The following ZNF678 variants were observed in gnomAD, a reference collection of about 807,000 sequenced individuals.
ZNF678 encodes hypothetical protein MGC42493.
A neutral mutation model predicts 3.0 loss-of-function variants in ZNF678; 5 were observed. The observed-to-expected ratio is 1.69, with a 90% CI of 0.88 to 3.56. ZNF678 has a LOEUF of 3.56. Ranked by LOEUF, ZNF678 falls within the 30% of genes most tolerant of loss-of-function variation. The pLI is 0.00. For synonymous variants in ZNF678, 218 were observed against 199.6 expected, an observed-to-expected ratio of 1.09 and a Z score of -0.78; for missense variants, 593 against 605.0, an observed-to-expected ratio of 0.98 and a Z score of 0.21.
chr1:227,588,348 G>A (rs1255438371), intron 1 of ZNF678, among the ~76,000 whole-genome samples: 2 of 152,028 alleles, frequency 1.3e-5, no homozygotes, highest in Non-Finnish European at 2.9e-5. Flanking sequence ...GTGTACATCT[G>A]GTAATGGGAT....
chr1:227,671,351 G>A (rs1471676931), intron 5 of ZNF678, among the ~76,000 whole-genome samples: 6 of 151,650 alleles, frequency 4.0e-5, no homozygotes, highest in African/African-American at 9.7e-5. Context: ...AGGATGTCCC[G>A]CCATATTTGC....
At chr1:227,667,181 C>A (rs1054502903), downstream of ZNF678, among the ~76,000 whole-genome samples, 1 of 151,852 alleles carries the variant, frequency 6.6e-6, no homozygotes, top group Non-Finnish European at 1.5e-5. Context: ...GTAGCTGGGA[C>A]TACAGGTGCA....
intron 1 of ZNF678, among the ~76,000 whole-genome samples, chr1:227,601,573 TA>T (rs1208116384): frequency 2.0e-5 from 3 of 151,762 alleles, no homozygotes; most frequent in African/African-American, 2.4e-5. Context: ...ATTTTTATTT[TA>T]TTTTTTTTGA....
chr1:227,563,759 G>T, intron 1 of ZNF678, 35 bp downstream of exon 1: 1 of 1,307,840 alleles, frequency 7.6e-7, no homozygotes, highest in Admixed American at 2.3e-5. Context: ...CAAGATGGCG[G>T]TCCGGCCTCC....
At chr1:227,634,048 A>G (rs1447701620) in intron 1 of ZNF678, among the ~76,000 whole-genome samples, 2 of 152,206 alleles carry the variant, frequency 1.3e-5, no homozygotes, top group East Asian at 3.9e-4. Flanking sequence ...CCACAGCAGA[A>G]TAGGGCAGTG....
chr1:227,602,850 T>G (rs1657769300), intron 1 of ZNF678, among the ~76,000 whole-genome samples: 1 of 152,200 alleles, frequency 6.6e-6, no homozygotes, highest in Non-Finnish European at 1.5e-5. Flanking sequence ...TGCTTTTTGA[T>G]CCAGGCAGAG....
At chr1:227,643,766 A>C (rs1658881446) in intron 1 of ZNF678, among the ~76,000 whole-genome samples, 1 of 152,072 alleles carries the variant, frequency 6.6e-6, no homozygotes, top group South Asian at 2.1e-4. Flanking sequence ...AATATATAAC[A>C]ATAAAAAGTT....
chr1:227,563,859 C>T (rs1241604518), intron 1 of ZNF678, 135 bp downstream of exon 1: 10 of 783,060 alleles, frequency 1.3e-5, no homozygotes, highest in Non-Finnish European at 1.9e-5. Flanking sequence ...CAGGCCGCCG[C>T]GGGATTCTCC....
In ZNF678 at chr1:227,659,891, A is replaced by G. The variant is rs1053921278; in HGVS notation, c.*4063A>G. On this transcript the variant is annotated 3_prime_UTR_variant, in exon 4 of 4. Coordinates refer to ENST00000343776, the MANE Select transcript of ZNF678 (RefSeq NM_001367909.1). ...ATGGTCTTGGCACTTAAAAAAAAAAAAACAATATATTCTCAATAACTGTAT... is the reference window on the plus strand; with the variant it reads ...ATGGTCTTGGCACTTAAAAAAAAAAGAACAATATATTCTCAATAACTGTAT... 1 of 141,872 alleles carries G rather than the reference A, an allele frequency of 7.0e-6. No homozygotes were observed. Among genetic ancestry groups the G allele is most frequent in the Non-Finnish European group, 1.5e-5 (1 of 65,388 alleles). 8.8% of individuals were successfully genotyped at this position (141,872 alleles called of 1,614,324 possible).
chr1:227,628,395 G>C (rs1202673094), intron 1 of ZNF678, among the ~76,000 whole-genome samples: 1 of 152,198 alleles, frequency 6.6e-6, no homozygotes, highest in East Asian at 1.9e-4. Context: ...AGCCGCTTCT[G>C]CTTCAGGTGT....
Position 227,659,089 on chromosome 1 carries a change from T to C in ZNF678, c.*3261T>C, listed in dbSNP as rs1161284566. Reference sequence around the variant, plus strand: ...CTTTTAGTTTTTAGTGTTTATGTAATATATTAGACAATAATAAACATTTAC... The same window carrying C: ...CTTTTAGTTTTTAGTGTTTATGTAACATATTAGACAATAATAAACATTTAC... On this transcript the variant is annotated 3_prime_UTR_variant, in exon 4 of 4. Coordinates refer to ENST00000343776, the MANE Select transcript of ZNF678 (RefSeq NM_001367909.1). The C allele has an allele frequency of 6.6e-6, 1 of 152,102 alleles. No individual in the cohort carries two copies. The highest frequency in any genetic ancestry group is 2.4e-5 in the African/African-American group (1 of 41,456). 9.4% of individuals were successfully genotyped at this position (152,102 alleles called of 1,614,324 possible).
intron 1 of ZNF678, among the ~76,000 whole-genome samples, chr1:227,565,061 T>G (rs797005080): frequency 2.4e-5 from 3 of 126,894 alleles, no homozygotes; most frequent in African/African-American, 9.5e-5. Context: ...CGGCTTTTTT[T>G]TTTTTTTTTT....
chr1:227,571,325 A>C (rs1428184856), intron 1 of ZNF678, among the ~76,000 whole-genome samples: 1 of 152,180 alleles, frequency 6.6e-6, no homozygotes, highest in Non-Finnish European at 1.5e-5. Context: ...ATTCTTTTCT[A>C]GTGTTGTATC....
intron 1 of ZNF678, among the ~76,000 whole-genome samples, chr1:227,633,556 C>T (rs1484637767): frequency 1.3e-5 from 2 of 152,164 alleles, no homozygotes; most frequent in East Asian, 3.9e-4. Context: ...AATCCTGTTT[C>T]TCACAGAGAG....
chr1:227,611,110 G>A (rs1658006436), intron 1 of ZNF678, among the ~76,000 whole-genome samples: 1 of 152,150 alleles, frequency 6.6e-6, no homozygotes, highest in Non-Finnish European at 1.5e-5. Flanking sequence ...ACTTTTAAAG[G>A]CCAAAGATAC....
chr1:227,610,669 G>C (rs1337863491), intron 1 of ZNF678, among the ~76,000 whole-genome samples: 2 of 152,092 alleles, frequency 1.3e-5, no homozygotes, highest in Non-Finnish European at 2.9e-5. Context: ...TGGACATTCT[G>C]GTGCCTTGGA....
chr1:227,566,481 C>T (rs562920013), intron 1 of ZNF678, among the ~76,000 whole-genome samples: 2 of 152,184 alleles, frequency 1.3e-5, no homozygotes, highest in African/African-American at 4.8e-5. Context: ...TGGGGCACAC[C>T]GTGAGGCACA....
At chr1:227,591,141 T>G (rs1184522224) in intron 1 of ZNF678, among the ~76,000 whole-genome samples, 2 of 151,878 alleles carry the variant, frequency 1.3e-5, no homozygotes, top group African/African-American at 4.9e-5. Context: ...GCACATTTAG[T>G]TTATTGTAGA....
At chr1:227,643,674 C>T (rs1050255816) in intron 1 of ZNF678, among the ~76,000 whole-genome samples, 2 of 152,016 alleles carry the variant, frequency 1.3e-5, no homozygotes, top group Non-Finnish European at 2.9e-5. Flanking sequence ...ATCTGTGTTT[C>T]TAAAAACATT....
Sources: gnomAD v4.1 joint callset for allele counts (sites outside exome capture counted in the v4.1 genomes callset) on GRCh38, gnomAD v4.1.1 for gene constraint, MANE v1.5 for transcripts, NCBI Gene and HGNC (gene_info 2026-07-23, HGNC 2026-07-21) for gene names.